Variants in ADCY8 observed in about 807,000 individuals in gnomAD.
The protein encoded by ADCY8 is adenylate cyclase 8.
In ADCY8, 51 loss-of-function variants were observed where a neutral mutation model predicts 119.7. That is an observed-to-expected ratio of 0.43 (90% CI 0.34 to 0.54). The LOEUF (loss-of-function observed/expected upper bound fraction) is 0.54, where lower values mean the gene tolerates loss of function less well. ADCY8 is among the 20% of genes least tolerant of loss of function. The pLI is 0.03. For missense variants in ADCY8, 1,383 were observed against 1,598.8 expected (o/e 0.87, Z 2.30); for synonymous variants, 665 against 651.0 (o/e 1.02, Z -0.33).
intron 14 of ADCY8, 47 bp from the exon 15 acceptor site, chr8:130,800,619 G>A (rs774684569): frequency 1.7e-5 from 27 of 1,604,700 alleles, no homozygotes; most frequent in South Asian, 1.1e-4. Context: ...ATCAGAGGTC[G>A]GTTCTGCAGT....
intron 9 of ADCY8, among the ~76,000 whole-genome samples, chr8:130,852,166 C>A (rs1817551558): frequency 6.6e-6 from 1 of 152,106 alleles, no homozygotes; most frequent in Non-Finnish European, 1.5e-5. Context: ...GAAAGAGTAA[C>A]CAAGAATGTC....
chr8:130,893,824 GTT>G (rs1819288187), intron 7 of ADCY8, among the ~76,000 whole-genome samples: 2 of 119,266 alleles, frequency 1.7e-5, no homozygotes, highest in Non-Finnish European at 3.8e-5. Flanking sequence ...GCGTGTGTGT[GTT>G]TGTGGGTGTG....
chr8:130,922,926 A>C lies in ADCY8; in HGVS notation c.1482-13060T>G, dbSNP rs148396857. ...CTATCAGAGCTTGAGTTTCATTTGG[A>C]AATTGTTCTTCACAGAGTTTTGGTA... On this transcript the variant is annotated intron_variant, in intron 5 of 17. Coordinates refer to ENST00000286355, the MANE Select transcript of ADCY8 (RefSeq NM_001115.3). Among the ~76,000 whole-genome samples the C allele has an allele frequency of 2.1e-3, 315 of 152,308 alleles. 3 individuals are homozygous for C. Among genetic ancestry groups the C allele is most frequent in the African/African-American group, 7.3e-3 (305 of 41,556 alleles).
At chr8:130,965,943 A>G (rs1821749071) in intron 2 of ADCY8, among the ~76,000 whole-genome samples, 1 of 152,198 alleles carries the variant, frequency 6.6e-6, no homozygotes, top group Non-Finnish European at 1.5e-5. Context: ...GAAATATTTG[A>G]GACCAAGATG....
At chr8:130,971,327 A>G (rs760769710) in intron 2 of ADCY8, among the ~76,000 whole-genome samples, 1 of 152,176 alleles carries the variant, frequency 6.6e-6, no homozygotes, top group Non-Finnish European at 1.5e-5. Flanking sequence ...ACCTCTTACA[A>G]GAGGGTTAAG....
At chr8:131,031,607 A>G (rs1823999425) in intron 1 of ADCY8, among the ~76,000 whole-genome samples, 1 of 152,126 alleles carries the variant, frequency 6.6e-6, no homozygotes, top group Admixed American at 6.5e-5. Context: ...TACCTTCATG[A>G]AAGGATTAAT....
intron 2 of ADCY8, among the ~76,000 whole-genome samples, chr8:130,954,470 G>C (rs568553679): frequency 6.6e-6 from 1 of 152,268 alleles, no homozygotes; most frequent in South Asian, 2.1e-4. Flanking sequence ...TCATAAAAGT[G>C]CAGCTGCCCT....
chr8:130,821,482 C>T, intron 12 of ADCY8, 62 bp from the exon 13 acceptor site: 2 of 1,317,080 alleles, frequency 1.5e-6, no homozygotes, highest in Non-Finnish European at 2.2e-6. Context: ...TATGAGAAAA[C>T]TGAGGTTCAG....
intron 15 of ADCY8, 41 bp downstream of exon 15, chr8:130,800,385 A>T: frequency 6.2e-7 from 1 of 1,612,350 alleles, no homozygotes. Flanking sequence ...TTTGACAACG[A>T]TGCCCATTTG....
At chr8:130,849,968 T>C (rs1464710402) in intron 9 of ADCY8, among the ~76,000 whole-genome samples, 165 bp from the exon 10 acceptor site, 3 of 152,202 alleles carry the variant, frequency 2.0e-5, no homozygotes, top group Non-Finnish European at 2.9e-5. Flanking sequence ...AAAAATTACA[T>C]GCATCCCTAG....
chr8:130,869,008 T>C (rs982743589), intron 8 of ADCY8, among the ~76,000 whole-genome samples: 3 of 152,222 alleles, frequency 2.0e-5, no homozygotes, highest in African/African-American at 7.2e-5. Context: ...ACATGATTTT[T>C]ATTCTTTTCT....
intron 1 of ADCY8, among the ~76,000 whole-genome samples, chr8:131,020,039 G>T (rs1050402704): frequency 6.6e-6 from 1 of 152,238 alleles, no homozygotes; most frequent in African/African-American, 2.4e-5. Context: ...GACAGCTGAG[G>T]GGTAGAAGAT....
At chr8:130,815,969 G>A (rs1241513098) in intron 13 of ADCY8, among the ~76,000 whole-genome samples, 2 of 152,190 alleles carry the variant, frequency 1.3e-5, no homozygotes, top group Non-Finnish European at 2.9e-5. Context: ...CTCACAGCCC[G>A]TTTTTACTGC....
rs2130434376 is a variant in ADCY8 at position 130,877,447 on chromosome 8, A to G, written c.2109+7117T>C. ...GATGGACTTCCCAAGAATCAATAGC[A>G]TGAATGCTCTGAGCTCTGCTGGAGG... On this transcript the variant is annotated intron_variant, in intron 8 of 17. Transcript: ENST00000286355. Among the ~76,000 whole-genome samples the G allele has an allele frequency of 2.0e-5, 3 of 152,308 alleles. No homozygotes were observed. In the South Asian group the frequency reaches 6.2e-4, roughly 32 times the overall value.
chr8:130,930,970 T>C (rs1820613473), intron 5 of ADCY8, among the ~76,000 whole-genome samples: 1 of 152,204 alleles, frequency 6.6e-6, no homozygotes, highest in African/African-American at 2.4e-5. Flanking sequence ...AGTTGTCCCA[T>C]AAATCCTGTA....
chr8:130,840,898 G>A (rs1265841423), intron 11 of ADCY8, among the ~76,000 whole-genome samples: 3 of 152,200 alleles, frequency 2.0e-5, no homozygotes, highest in African/African-American at 7.2e-5. Flanking sequence ...GCTATGCATT[G>A]TAAGTGCATC....
intron 5 of ADCY8, among the ~76,000 whole-genome samples, chr8:130,933,606 G>C (rs1315057795): frequency 6.6e-6 from 1 of 152,156 alleles, no homozygotes; most frequent in Non-Finnish European, 1.5e-5. Context: ...TCAAGGAGTT[G>C]TTTGGATATC....
intron 5 of ADCY8, among the ~76,000 whole-genome samples, chr8:130,930,229 T>A (rs967923737): frequency 5.3e-5 from 8 of 152,102 alleles, no homozygotes; most frequent in Admixed American, 4.6e-4. Flanking sequence ...TTTTCACTAG[T>A]GTTATATTTG....
At chr8:130,912,364 G>A (rs1265942096) in intron 5 of ADCY8, among the ~76,000 whole-genome samples, 1 of 152,084 alleles carries the variant, frequency 6.6e-6, no homozygotes, top group Non-Finnish European at 1.5e-5. Context: ...GGATGCCTGG[G>A]TGTCCAATAC....
Sources: gnomAD v4.1 joint callset for allele counts (sites outside exome capture counted in the v4.1 genomes callset) on GRCh38, gnomAD v4.1.1 for gene constraint, MANE v1.5 for transcripts, NCBI Gene and HGNC (gene_info 2026-07-23, HGNC 2026-07-21) for gene names.